Variants in IVD observed in about 807,000 individuals in gnomAD.
The protein encoded by IVD is isovaleryl-CoA dehydrogenase, also known as isovaleryl-CoA dehydrogenase, mitochondrial.
In IVD, 31 loss-of-function variants were observed where a neutral mutation model predicts 51.3. That is an observed-to-expected ratio of 0.60 (90% confidence interval 0.45 to 0.81). The LOEUF is 0.81. Ranked by LOEUF, IVD falls within the 40% of genes least tolerant of loss-of-function variation. IVD has a pLI of 0.00. For missense variants in IVD, 475 were observed against 552.0 expected, an observed-to-expected ratio of 0.86 and a Z score of 1.40; for synonymous variants, 205 against 219.4, an observed-to-expected ratio of 0.93 and a Z score of 0.58.
chr15:40,410,924 A>C lies in IVD; in HGVS notation c.456+127A>C, dbSNP rs113720703. 2,848 of 1,158,012 alleles carry C rather than the reference A, an allele frequency of 2.5e-3. 60 individuals are homozygous for C. The African/African-American group carries it at 0.035, about 14-fold the overall frequency. The allele number at this position is 1,158,012 out of a possible 1,614,324, so 71.7% of individuals were successfully genotyped here. On this transcript the variant is annotated intron_variant, in intron 4 of 11. Transcript: ENST00000487418. Reference sequence around the variant, plus strand: ...ATGCTGCCATGAACCAAATGTGGTTAGGAAGGGGCCATGGATTGCTTTAAA... The same window carrying C: ...ATGCTGCCATGAACCAAATGTGGTTCGGAAGGGGCCATGGATTGCTTTAAA...
At chr15:40,422,807 C>A (rs933372774), downstream of IVD, among the ~76,000 whole-genome samples, 1 of 108,962 alleles carries the variant, frequency 9.2e-6, no homozygotes, top group African/African-American at 2.8e-5. Flanking sequence ...ACCATGTTGG[C>A]CAGGCTGGTC....
At position 40,418,177 on chromosome 15, in the gene IVD, G is replaced by A; in HGVS notation, c.1186G>A (p.Asp396Asn). 6.2e-7 allele frequency: 1 copy of A among 1,614,214 alleles called. No individual in the cohort carries two copies. Among genetic ancestry groups the A allele is most frequent in the Non-Finnish European group, 8.5e-7 (1 of 1,180,042 alleles). The change falls in exon 12 of 12, where the codon GAT becomes AAT. Residue 396 changes from aspartate (D) to asparagine (N), a missense_variant. By Grantham distance (23) the Asp-to-Asn change is conservative. Coordinates refer to ENST00000487418, the MANE Select transcript of IVD (RefSeq NM_002225.5). ...NDFPMGRFLR[D>N]AKLYEIGAGT... is the part of the protein sequence containing the mutation. Reference sequence around the variant, plus strand: ...CTTTCCCATGGGCCGCTTTCTTCGAGATGCCAAGCTGTATGAGATAGGGGC... The same window carrying A: ...CTTTCCCATGGGCCGCTTTCTTCGAAATGCCAAGCTGTATGAGATAGGGGC...
Position 40,407,293 on chromosome 15 carries a change from G to C in IVD, c.145-343G>C, listed in dbSNP as rs139270546. On this transcript the variant is annotated intron_variant, in intron 1 of 11. Coordinates refer to ENST00000487418, the MANE Select transcript of IVD (RefSeq NM_002225.5). Reference sequence around the variant, plus strand: ...TGCAGCTGGAGCACAGAGGGTGGGAGGTGGGAAGGTGCTGGGGAAGCTAGG... The same window carrying C: ...TGCAGCTGGAGCACAGAGGGTGGGACGTGGGAAGGTGCTGGGGAAGCTAGG... Among the ~76,000 whole-genome samples the C allele has an allele frequency of 5.4e-3, 825 of 152,370 alleles. 6 individuals are homozygous for C. The highest frequency in any genetic ancestry group is 0.019 in the African/African-American group (777 of 41,590).
chr15:40,410,604 TCC>T, intron 3 of IVD, 22 bp from the exon 4 acceptor site: 1 of 1,613,962 alleles, frequency 6.2e-7, no homozygotes, highest in Non-Finnish European at 8.5e-7. Context: ...CGTTTTCCAC[TCC>T]CTTGTACCAC....
At chr15:40,431,241 C>T (rs1278248028) in intron 7 of IVD, among the ~76,000 whole-genome samples, 2 of 151,768 alleles carry the variant, frequency 1.3e-5, no homozygotes, top group Non-Finnish European at 2.9e-5. Context: ...ACCTCTGCCT[C>T]CCTGAGACCT....
rs771743984 is a variant in IVD, at chr15:40,418,153, T to C, written c.1162T>C (p.Phe388Leu). The C allele has an allele frequency of 6.2e-7, 1 of 1,614,060 alleles. No homozygotes were observed. Among genetic ancestry groups the C allele is most frequent in the African/African-American group, 1.3e-5 (1 of 74,928 alleles). Residue 388 changes from phenylalanine (F) to leucine (L), a missense_variant, in exon 12 of 12, where the codon TTT becomes CTT. Coordinates refer to ENST00000487418, the MANE Select transcript of IVD (RefSeq NM_002225.5). ...AGGTGGCAATGGCTACATCAATGAC[T>C]TTCCCATGGGCCGCTTTCTTCGAGA... Reference protein sequence around the residue: ...CFGGNGYINDFPMGRFLRDAK... With the variant: ...CFGGNGYINDLPMGRFLRDAK...
At chr15:40,417,905 C>T (rs147383492) in intron 11 of IVD, among the ~76,000 whole-genome samples, 8 of 152,274 alleles carry the variant, frequency 5.3e-5, no homozygotes, top group Admixed American at 2.6e-4. Context: ...ATATGGGGTT[C>T]GGTACTATCT....
At chr15:40,435,359 G>T in intron 8 of IVD, 1 of 995,720 alleles carries the variant, frequency 1.0e-6, no homozygotes, top group Non-Finnish European at 1.2e-6. Context: ...CTCCTGGTTG[G>T]CAGGCAGGAG....
At chr15:40,424,319 C>A, downstream of IVD, 1 of 585,560 alleles carries the variant, frequency 1.7e-6, no homozygotes, top group Non-Finnish European at 2.6e-6. Flanking sequence ...GTTCTTGTTG[C>A]AAGGAGTCCT....
downstream of IVD, among the ~76,000 whole-genome samples, chr15:40,429,139 C>T (rs1892832821): frequency 6.6e-6 from 1 of 152,218 alleles, no homozygotes; most frequent in Non-Finnish European, 1.5e-5. Flanking sequence ...GAAACTTCAT[C>T]TCTCTGTGCC....
intron 6 of IVD, 125 bp downstream of exon 6, chr15:40,411,816 G>A: frequency 1.7e-6 from 2 of 1,184,574 alleles, no homozygotes; most frequent in South Asian, 1.3e-5. Context: ...AGAGGTGGGG[G>A]TGAGGCAGAG....
intron 8 of IVD, 118 bp from the exon 9 acceptor site, chr15:40,415,283 A>G (rs1891538668): frequency 1.1e-6 from 1 of 931,804 alleles, no homozygotes; most frequent in Non-Finnish European, 1.7e-6. Context: ...CTGTGGCAAG[A>G]CTTTCTGAAG....
At chr15:40,406,821 T>C (rs1033398803) in intron 1 of IVD, among the ~76,000 whole-genome samples, 1 of 152,084 alleles carries the variant, frequency 6.6e-6, no homozygotes, top group African/African-American at 2.4e-5. Flanking sequence ...GTTCAATCCC[T>C]ATTCTCAAGC....
downstream of IVD, among the ~76,000 whole-genome samples, chr15:40,429,280 ACCT>A (rs1892840534): frequency 6.6e-6 from 1 of 152,112 alleles, no homozygotes; most frequent in Non-Finnish European, 1.5e-5. Context: ...CACACGAGTG[ACCT>A]GCCCCCACAT....
intron 11 of IVD, among the ~76,000 whole-genome samples, 155 bp from the exon 12 acceptor site, chr15:40,417,975 G>C (rs1055411774): frequency 1.3e-5 from 2 of 152,162 alleles, no homozygotes; most frequent in Admixed American, 6.5e-5. Context: ...GGAAGGACTA[G>C]TGTATTCCCC....
At chr15:40,406,465 G>T in intron 1 of IVD, 2 of 657,186 alleles carry the variant, frequency 3.0e-6, no homozygotes, top group South Asian at 3.2e-5. Flanking sequence ...TCAGCCCATT[G>T]GGTCAAAACA....
chr15:40,422,261 A>G (rs1443435458), downstream of IVD, among the ~76,000 whole-genome samples: 1 of 151,798 alleles, frequency 6.6e-6, no homozygotes, highest in Non-Finnish European at 1.5e-5. Context: ...GGGGAAGCCT[A>G]TCCTCTATTA....
At chr15:40,410,192 C>T (rs1052784440) in intron 3 of IVD, among the ~76,000 whole-genome samples, 1 of 152,164 alleles carries the variant, frequency 6.6e-6, no homozygotes, top group African/African-American at 2.4e-5. Context: ...TTCCTCAGGC[C>T]TTTTGCAGAC....
chr15:40,424,154 C>T (rs1267012510), downstream of IVD: 1 of 1,287,618 alleles, frequency 7.8e-7, no homozygotes, highest in Non-Finnish European at 1.0e-6. Flanking sequence ...CTCAACCCTT[C>T]CTCTACACTG....
Sources: allele counts gnomAD v4.1 joint callset (sites outside exome capture counted in the v4.1 genomes callset), GRCh38; gene constraint gnomAD v4.1.1; transcripts MANE v1.5; gene names NCBI Gene and HGNC (gene_info 2026-07-23, HGNC 2026-07-21).